Variants in SNTG2 observed in about 807,000 individuals in gnomAD.
SNTG2 encodes gamma-2-syntrophin.
A neutral mutation model predicts 70.9 loss-of-function variants in SNTG2; 74 were observed. That is an observed-to-expected ratio of 1.04 (90% confidence interval 0.86 to 1.27). The LOEUF is 1.27. Ranked by LOEUF, SNTG2 falls within the 50% of genes most tolerant of loss-of-function variation. The pLI is 0.00. For synonymous variants in SNTG2, 278 were observed against 273.8 expected (o/e 1.02, Z -0.15); for missense variants, 717 against 690.7 (o/e 1.04, Z -0.43).
chr2:1,319,895 G>A (rs947605292), intron 16 of SNTG2, among the ~76,000 whole-genome samples: 2 of 152,196 alleles, frequency 1.3e-5, no homozygotes, highest in Non-Finnish European at 1.5e-5. Flanking sequence ...AGGAGTCCAC[G>A]GGAATGAATT....
chr2:1,224,929 A>C (rs867613721), intron 9 of SNTG2, among the ~76,000 whole-genome samples: 1 of 152,216 alleles, frequency 6.6e-6, no homozygotes, highest in Non-Finnish European at 1.5e-5. Context: ...TGTGTTTAAC[A>C]CCTAAACAAA....
chr2:1,174,775 C>T (rs1467103343), intron 8 of SNTG2, among the ~76,000 whole-genome samples: 2 of 152,172 alleles, frequency 1.3e-5, no homozygotes, highest in Non-Finnish European at 2.9e-5. Flanking sequence ...TCCATCATTA[C>T]TAATGAGTTT....
intron 1 of SNTG2, among the ~76,000 whole-genome samples, chr2:1,060,701 A>G (rs560339604): frequency 6.6e-6 from 1 of 151,704 alleles, no homozygotes; most frequent in South Asian, 2.1e-4. Flanking sequence ...TGAATGAAAT[A>G]GTGAGTTTAT....
chr2:1,173,522 A>G (rs1671267352), intron 8 of SNTG2, among the ~76,000 whole-genome samples: 1 of 152,278 alleles, frequency 6.6e-6, no homozygotes, highest in African/African-American at 2.4e-5. Context: ...TGAGACTCCC[A>G]TGAATTTCTT....
chr2:1,157,698 A>G (rs1359108631), intron 6 of SNTG2, among the ~76,000 whole-genome samples: 2 of 152,290 alleles, frequency 1.3e-5, no homozygotes, highest in South Asian at 4.1e-4. Flanking sequence ...TCTATAGAGA[A>G]CTACAGTGGA....
intron 8 of SNTG2, among the ~76,000 whole-genome samples, chr2:1,184,087 T>G (rs28422133): frequency 0.31 from 47,851 of 152,024 alleles, 8,110 homozygotes; most frequent in East Asian, 0.65. Flanking sequence ...GGGCCACCCT[T>G]GGTCCTAATA....
intron 9 of SNTG2, among the ~76,000 whole-genome samples, chr2:1,214,356 A>G (rs1164456880): frequency 6.6e-6 from 1 of 152,218 alleles, no homozygotes; most frequent in Non-Finnish European, 1.5e-5. Context: ...TATCTAAACA[A>G]CATTAACTCT....
chr2:1,065,164 CAG>C (rs1366793931), intron 1 of SNTG2, among the ~76,000 whole-genome samples: 1 of 152,104 alleles, frequency 6.6e-6, no homozygotes, highest in Non-Finnish European at 1.5e-5. Context: ...GCTTGAGAAA[CAG>C]GGAGTCTTCA....
intron 14 of SNTG2, among the ~76,000 whole-genome samples, chr2:1,283,295 C>T (rs1679632971): frequency 6.6e-6 from 1 of 152,198 alleles, no homozygotes. Flanking sequence ...GGCCCGTGCA[C>T]ACCCAGACCC....
chr2:1,218,947 G>T (rs1674574163), intron 9 of SNTG2, among the ~76,000 whole-genome samples: 1 of 152,322 alleles, frequency 6.6e-6, no homozygotes, highest in Non-Finnish European at 1.5e-5. Flanking sequence ...TGAAGCAGCA[G>T]GAGTTCAGTG....
intron 8 of SNTG2, among the ~76,000 whole-genome samples, chr2:1,179,718 T>C (rs1287347282): frequency 6.6e-6 from 1 of 151,330 alleles, no homozygotes; most frequent in Non-Finnish European, 1.5e-5. Flanking sequence ...AAAAACTACT[T>C]TAAAGTTCAT....
intron 8 of SNTG2, among the ~76,000 whole-genome samples, chr2:1,192,385 C>T (rs533736647): frequency 6.6e-6 from 1 of 152,228 alleles, no homozygotes; most frequent in African/African-American, 2.4e-5. Context: ...AAGGGGTGTT[C>T]CCTAGCCAGT....
intron 16 of SNTG2, among the ~76,000 whole-genome samples, chr2:1,338,860 T>C (rs1489244454): frequency 6.6e-6 from 1 of 152,210 alleles, no homozygotes; most frequent in Non-Finnish European, 1.5e-5. Flanking sequence ...GAGTCCCTTT[T>C]TTATTTTTTG....
intron 1 of SNTG2, among the ~76,000 whole-genome samples, chr2:977,867 C>T (rs150510816): frequency 1.3e-5 from 2 of 152,320 alleles, no homozygotes; most frequent in East Asian, 3.9e-4. Context: ...CCACCTACTC[C>T]TCTTCAAGTA....
At chr2:971,576 C>G (rs1375610295) in intron 1 of SNTG2, among the ~76,000 whole-genome samples, 2 of 151,486 alleles carry the variant, frequency 1.3e-5, no homozygotes, top group Non-Finnish European at 2.9e-5. Context: ...GCAGTATATC[C>G]ATCTTATTTA....
intron 6 of SNTG2, among the ~76,000 whole-genome samples, chr2:1,152,606 A>G (rs1272552291): frequency 7.8e-6 from 1 of 127,804 alleles, no homozygotes; most frequent in South Asian, 2.1e-4. Context: ...GCATGTGTGT[A>G]TGTGTGCACA....
chr2:1,355,780 C>T (rs73179480), intron 16 of SNTG2, among the ~76,000 whole-genome samples: 3,819 of 152,238 alleles, frequency 0.025, 156 homozygotes, highest in African/African-American at 0.087. Context: ...ATAGTAGCTG[C>T]ACCAATTTAC....
chr2:1,224,706 A>G (rs1184744706), intron 9 of SNTG2, among the ~76,000 whole-genome samples: 1 of 152,214 alleles, frequency 6.6e-6, no homozygotes, highest in Non-Finnish European at 1.5e-5. Context: ...TCCTGGCTGA[A>G]TGGTTTCCTG....
chr2:1,356,634 A>T (rs1451107775), intron 16 of SNTG2, among the ~76,000 whole-genome samples: 3 of 152,194 alleles, frequency 2.0e-5, no homozygotes, highest in African/African-American at 4.8e-5. Context: ...GTTCTTTCTC[A>T]ACATTGCCCT....
Sources: gnomAD v4.1 joint callset for allele counts (sites outside exome capture counted in the v4.1 genomes callset) on GRCh38, gnomAD v4.1.1 for gene constraint, MANE v1.5 for transcripts, NCBI Gene and HGNC (gene_info 2026-07-23, HGNC 2026-07-21) for gene names.